The following DTD1 variants were observed in gnomAD, a reference collection of about 807,000 sequenced individuals.
The protein encoded by DTD1 is D-tyrosyl-tRNA deacylase 1 homolog.
DTD1 carries 13 observed loss-of-function variants against 25.6 expected under a neutral mutation model. The ratio of observed to expected loss-of-function variants is 0.51; its 90% confidence interval spans 0.33 to 0.81. DTD1 has a LOEUF of 0.81. Among genes scored for constraint, DTD1 ranks in the 30% least tolerant of loss-of-function variants. The pLI, the probability that DTD1 is intolerant of heterozygous loss-of-function variation, is 0.02. For missense variants in DTD1, 193 were observed against 266.4 expected (o/e 0.72, Z 1.92); for synonymous variants, 110 against 103.6 (o/e 1.06, Z -0.37).
At chr20:18,745,105 C>T (rs1396471808) in intron 5 of DTD1, among the ~76,000 whole-genome samples, 2 of 152,216 alleles carry the variant, frequency 1.3e-5, no homozygotes, top group Non-Finnish European at 2.9e-5. Context: ...TCCCTTCCTG[C>T]TCTTAGCCAC....
At chr20:18,721,136 G>A (rs374499404) in intron 4 of DTD1, among the ~76,000 whole-genome samples, 16 of 152,272 alleles carry the variant, frequency 1.1e-4, no homozygotes, top group Admixed American at 3.3e-4. Context: ...GAAGTGGCGC[G>A]AACAGACTGT....
At chr20:18,756,182 T>C (rs953990694) in intron 5 of DTD1, among the ~76,000 whole-genome samples, 7 of 152,232 alleles carry the variant, frequency 4.6e-5, no homozygotes, top group African/African-American at 1.7e-4. Context: ...CGTTTCTCAG[T>C]TGAGTACACT....
chr20:18,732,028 G>T (rs1032542630), intron 4 of DTD1, among the ~76,000 whole-genome samples: 1 of 152,114 alleles, frequency 6.6e-6, no homozygotes, highest in African/African-American at 2.4e-5. Context: ...CCCAAATTTG[G>T]TCTCCACCTT....
chr20:18,744,234 C>G lies in DTD1; in HGVS notation c.612C>G (p.Ser204=). 6.2e-7 allele frequency: 1 copy of G among 1,612,166 alleles called. No homozygotes were observed. The highest frequency in any genetic ancestry group is 1.1e-5 in the South Asian group (1 of 90,980). Residue 204 remains serine, a synonymous_variant, in exon 5 of 6, where the codon TCC becomes TCG. Coordinates refer to ENST00000377452, the MANE Select transcript of DTD1 (RefSeq NM_080820.6). ...GCAGCGGGGCTGAGGGCGACGTGTC[C>G]TCTGAACGGGAGCCGTAGCTCAGGA... The part of the protein sequence containing the change: ...SASSGAEGDV[S]SEREP
intron 4 of DTD1, among the ~76,000 whole-genome samples, chr20:18,635,534 GTGGA>G (rs2060803678): frequency 6.6e-6 from 1 of 152,170 alleles, no homozygotes; most frequent in South Asian, 2.1e-4. Context: ...TGTAGAGATG[GTGGA>G]GCTCCTGACC....
At chr20:18,686,633 A>C (rs2061017578) in intron 4 of DTD1, among the ~76,000 whole-genome samples, 1 of 146,548 alleles carries the variant, frequency 6.8e-6, no homozygotes, top group African/African-American at 2.5e-5. Flanking sequence ...CCTTTTAAAC[A>C]TATATTTATT....
intron 4 of DTD1, among the ~76,000 whole-genome samples, chr20:18,648,995 C>CAAAAAAAAAAAAAA (rs57780175): frequency 1.8e-5 from 1 of 56,268 alleles, no homozygotes; most frequent in Non-Finnish European, 2.9e-5. Context: ...GACTCCATCT[C>CAAAAAAAAAAAAAA]AAAAAAAAAA....
rs995110180 is a variant in DTD1 at position 18,765,209 on chromosome 20, G to A, written c.*1869G>A. 6 of 152,314 alleles carry A rather than the reference G, an allele frequency of 3.9e-5. No individual in the cohort carries two copies. The highest frequency in any genetic ancestry group is 7.2e-5 in the African/African-American group (3 of 41,460). The allele number at this position is 152,314 out of a possible 1,614,324, so 9.4% of individuals were successfully genotyped here. On this transcript the variant is annotated 3_prime_UTR_variant, in exon 6 of 6. Coordinates refer to ENST00000377452, the MANE Select transcript of DTD1 (RefSeq NM_080820.6). ...GAAGGAGCTGGGGCTGTTTCATCTG[G>A]GAGGGGAACTCTAAATGTTTGAAAG...
chr20:18,588,713 A>C, intron 1 of DTD1: 1 of 985,264 alleles, frequency 1.0e-6, no homozygotes, highest in Non-Finnish European at 1.2e-6. Flanking sequence ...TCGCCCGCTG[A>C]ACTCTGCGCG....
intron 4 of DTD1, among the ~76,000 whole-genome samples, chr20:18,742,587 C>G (rs2061282755): frequency 6.6e-6 from 1 of 152,174 alleles, no homozygotes; most frequent in African/African-American, 2.4e-5. Flanking sequence ...GAGAATCTCA[C>G]CAATGTCTGA....
chr20:18,700,269 ATTTG>A (rs1014198643), intron 4 of DTD1, among the ~76,000 whole-genome samples: 1 of 152,204 alleles, frequency 6.6e-6, no homozygotes, highest in Non-Finnish European at 1.5e-5. Context: ...GAAAGTTACT[ATTTG>A]TTTGTTTCTC....
chr20:18,653,156 C>A (rs918569863), intron 4 of DTD1, among the ~76,000 whole-genome samples: 1 of 152,160 alleles, frequency 6.6e-6, no homozygotes, highest in African/African-American at 2.4e-5. Flanking sequence ...GATTCCAGCA[C>A]TTTGGGAAGC....
At position 18,748,633 on chromosome 20, in the gene DTD1, TAGA is replaced by T. The variant is rs1399977372; in HGVS notation, c.*19+4365_*19+4367del. On this transcript the variant is annotated intron_variant, in intron 5 of 5. Coordinates refer to ENST00000377452, the MANE Select transcript of DTD1 (RefSeq NM_080820.6). ...CAGAACATACAGGAGAACACGCTCA[TAGA>T]AGGAGAACTGAGCACATAAAAAGAA... is the stretch of plus-strand genomic sequence containing the variant. Among the ~76,000 whole-genome samples, 8 of 152,122 alleles carry T rather than the reference TAGA, an allele frequency of 5.3e-5. No homozygotes were observed. The East Asian group carries it at 1.5e-3, about 29-fold the overall frequency.
At chr20:18,616,543 T>C (rs1354414033) in intron 3 of DTD1, among the ~76,000 whole-genome samples, 1 of 151,936 alleles carries the variant, frequency 6.6e-6, no homozygotes, top group Non-Finnish European at 1.5e-5. Flanking sequence ...ATCCCAGCAC[T>C]TTGGGAGGTC....
intron 4 of DTD1, among the ~76,000 whole-genome samples, chr20:18,725,134 CA>C (rs1294031180): frequency 3.9e-5 from 6 of 152,208 alleles, no homozygotes; most frequent in African/African-American, 1.4e-4. Context: ...GGCAGTTTTG[CA>C]GTCATATTTA....
At chr20:18,638,190 TCC>T (rs2060815096) in intron 4 of DTD1, among the ~76,000 whole-genome samples, 1 of 39,134 alleles carries the variant, frequency 2.6e-5, no homozygotes, top group East Asian at 4.1e-4. Flanking sequence ...CATCCATCCA[TCC>T]ATCCATCCAT....
intron 4 of DTD1, among the ~76,000 whole-genome samples, chr20:18,629,174 T>G (rs2060772561): frequency 1.3e-5 from 2 of 151,760 alleles, no homozygotes; most frequent in Admixed American, 6.6e-5. Flanking sequence ...TTTTGTATTT[T>G]TAGTAGAGAC....
intron 3 of DTD1, among the ~76,000 whole-genome samples, chr20:18,612,120 C>T (rs1205030282): frequency 7.4e-5 from 11 of 149,528 alleles, no homozygotes; most frequent in South Asian, 2.1e-4. Flanking sequence ...CTGCAAGCTC[C>T]GCCTCCCGGG....
At chr20:18,633,430 A>G (rs2060796070) in intron 4 of DTD1, among the ~76,000 whole-genome samples, 1 of 152,238 alleles carries the variant, frequency 6.6e-6, no homozygotes, top group African/African-American at 2.4e-5. Flanking sequence ...CTGATGGTGT[A>G]TTTCACAGAC....
Sources: gnomAD v4.1 joint callset for allele counts (sites outside exome capture counted in the v4.1 genomes callset) on GRCh38, gnomAD v4.1.1 for gene constraint, MANE v1.5 for transcripts, NCBI Gene and HGNC (gene_info 2026-07-23, HGNC 2026-07-21) for gene names.